MEOX2: variants seen among roughly 807,000 people sequenced by gnomAD.
MEOX2 encodes mesenchyme homeobox 2.
In MEOX2, 11 loss-of-function variants were observed where a neutral mutation model predicts 27.0. The ratio of observed to expected loss-of-function variants is 0.41; its 90% CI spans 0.26 to 0.68. The LOEUF is 0.68. Ranked by LOEUF, MEOX2 falls within the 30% of genes least tolerant of loss-of-function variation. The probability of loss-of-function intolerance (pLI) is 0.33; values close to 1 mark genes in which losing one functional copy is unlikely to be tolerated. For synonymous variants in MEOX2, 189 were observed against 155.4 expected, an observed-to-expected ratio of 1.22 and a Z score of -1.61; for missense variants, 436 against 385.4, an observed-to-expected ratio of 1.13 and a Z score of -1.10.
chr7:15,658,402 T>C (rs1345639354), intron 1 of MEOX2, among the ~76,000 whole-genome samples: 1 of 152,220 alleles, frequency 6.6e-6, no homozygotes, highest in African/African-American at 2.4e-5. Context: ...TCTTAAATTG[T>C]TATGCTTTGT....
intron 1 of MEOX2, among the ~76,000 whole-genome samples, chr7:15,655,168 G>A (rs59137845): frequency 0.04 from 6,045 of 151,536 alleles, 401 homozygotes; most frequent in African/African-American, 0.14. Flanking sequence ...TATTTGAGTG[G>A]AATTAATCAT....
chr7:15,663,791 C>T (rs1781954750), intron 1 of MEOX2, among the ~76,000 whole-genome samples: 3 of 152,110 alleles, frequency 2.0e-5, no homozygotes, highest in Non-Finnish European at 2.9e-5. Context: ...ATAAGGCTGG[C>T]AGTAAGAAGC....
At chr7:15,614,340 A>G (rs1003556361) in intron 2 of MEOX2, among the ~76,000 whole-genome samples, 8 of 151,956 alleles carry the variant, frequency 5.3e-5, no homozygotes, top group East Asian at 3.9e-4. Context: ...CTTGAGCCCA[A>G]GTGGTTGAGG....
intron 1 of MEOX2, chr7:15,681,267 T>C (rs1583797381): frequency 6.6e-6 from 1 of 151,942 alleles, no homozygotes; most frequent in South Asian, 2.1e-4. Context: ...TATTGCTGTA[T>C]TATATTGGTT....
At chr7:15,638,513 T>C (rs995816968) in intron 1 of MEOX2, among the ~76,000 whole-genome samples, 1 of 152,230 alleles carries the variant, frequency 6.6e-6, no homozygotes, top group Middle Eastern at 3.4e-3. Flanking sequence ...ATTTTTTAGG[T>C]TCAGAGGCGT....
In MEOX2 at chr7:15,612,431, C is replaced by A; in HGVS notation, c.871G>T (p.Asp291Tyr). 1 of 1,614,154 alleles carries A rather than the reference C, an allele frequency of 6.2e-7. No individual in the cohort carries two copies. The highest frequency in any genetic ancestry group is 8.5e-7 in the Non-Finnish European group (1 of 1,180,030). Reference sequence around the variant, plus strand: ...GAGCTGTGGTCACTGTCGTGACTGTCTTCATTTGCTATAGAGTCCCCTGTT... The same window carrying A: ...GAGCTGTGGTCACTGTCGTGACTGTATTCATTTGCTATAGAGTCCCCTGTT... ...QQTGDSIANE[D>Y]SHDSDHSSEH... The change falls in exon 3 of 3, where the codon GAC (aspartate) becomes TAC (tyrosine). Residue 291 changes from aspartate to tyrosine, a missense_variant. By Grantham distance (160) the Asp-to-Tyr change is radical. Coordinates refer to ENST00000262041, the MANE Select transcript of MEOX2 (RefSeq NM_005924.5).
intron 1 of MEOX2, among the ~76,000 whole-genome samples, chr7:15,641,436 A>G (rs1450152059): frequency 6.6e-6 from 1 of 151,150 alleles, no homozygotes; most frequent in Non-Finnish European, 1.5e-5. Context: ...AAGAATAGCA[A>G]CCTCTGCTCT....
chr7:15,632,485 A>G (rs1446680799), intron 1 of MEOX2, among the ~76,000 whole-genome samples: 1 of 151,820 alleles, frequency 6.6e-6, no homozygotes, highest in African/African-American at 2.4e-5. Context: ...TTCTTCCATG[A>G]CCTAAGTACA....
At chr7:15,674,447 A>G (rs1274194330) in intron 1 of MEOX2, among the ~76,000 whole-genome samples, 1 of 152,102 alleles carries the variant, frequency 6.6e-6, no homozygotes, top group Non-Finnish European at 1.5e-5. Context: ...GGATGAAGCA[A>G]TGGAACTCAG....
chr7:15,664,316 C>T (rs17336916), intron 1 of MEOX2, among the ~76,000 whole-genome samples: 1 of 152,148 alleles, frequency 6.6e-6, no homozygotes, highest in African/African-American at 2.4e-5. Context: ...GTTGTTGTGG[C>T]ATTTGGCTTC....
At chr7:15,648,238 T>A (rs960529777) in intron 1 of MEOX2, among the ~76,000 whole-genome samples, 1 of 152,112 alleles carries the variant, frequency 6.6e-6, no homozygotes, top group Non-Finnish European at 1.5e-5. Flanking sequence ...TATTTACAGA[T>A]AAAACACAGC....
At chr7:15,680,555 C>T (rs1053756950) in intron 1 of MEOX2, 1 of 151,888 alleles carries the variant, frequency 6.6e-6, no homozygotes, top group Non-Finnish European at 1.5e-5. Flanking sequence ...AGTTTTGCAA[C>T]TAACTTTACT....
intron 2 of MEOX2, among the ~76,000 whole-genome samples, chr7:15,617,431 C>T (rs971595402): frequency 6.6e-6 from 1 of 151,786 alleles, no homozygotes; most frequent in Non-Finnish European, 1.5e-5. Context: ...AAAGACTAGC[C>T]TAAGTAATTC....
At chr7:15,684,906 T>G (rs757910490) in intron 1 of MEOX2, among the ~76,000 whole-genome samples, 1 of 152,260 alleles carries the variant, frequency 6.6e-6, no homozygotes, top group Non-Finnish European at 1.5e-5. Context: ...CTGGAAACTT[T>G]GAGTTTCTCT....
intron 1 of MEOX2, among the ~76,000 whole-genome samples, chr7:15,627,838 A>G (rs148924970): frequency 0.013 from 455 of 34,776 alleles, 8 homozygotes; most frequent in East Asian, 0.12. Flanking sequence ...TCAAGTAAAA[A>G]GTAATCATAC....
At chr7:15,646,072 A>G (rs1267676460) in intron 1 of MEOX2, among the ~76,000 whole-genome samples, 2 of 152,016 alleles carry the variant, frequency 1.3e-5, no homozygotes, top group Non-Finnish European at 2.9e-5. Flanking sequence ...TTAAAACCCT[A>G]TATTTTGTGG....
chr7:15,663,189 A>C (rs1562610360), intron 1 of MEOX2, among the ~76,000 whole-genome samples: 1 of 152,240 alleles, frequency 6.6e-6, no homozygotes, highest in Non-Finnish European at 1.5e-5. Context: ...TATTTTAAAA[A>C]TATCAGAGAT....
intron 1 of MEOX2, among the ~76,000 whole-genome samples, chr7:15,627,368 A>G (rs1383382513): frequency 6.6e-6 from 1 of 152,146 alleles, no homozygotes; most frequent in East Asian, 1.9e-4. Flanking sequence ...CAACTGGACC[A>G]TAAAAAATTT....
At chr7:15,664,995 G>A (rs1583781144) in intron 1 of MEOX2, among the ~76,000 whole-genome samples, 1 of 149,430 alleles carries the variant, frequency 6.7e-6, no homozygotes, top group Non-Finnish European at 1.5e-5. Context: ...TATTTCAGAG[G>A]AAATGAACAC....
Sources: gnomAD v4.1 joint callset for allele counts (sites outside exome capture counted in the v4.1 genomes callset) on GRCh38, gnomAD v4.1.1 for gene constraint, MANE v1.5 for transcripts, NCBI Gene and HGNC (gene_info 2026-07-23, HGNC 2026-07-21) for gene names.